The following LRRC8B variants were observed in gnomAD, a reference collection of about 807,000 sequenced individuals.
LRRC8B encodes leucine rich repeat containing 8 VRAC subunit B, also known as volume-regulated anion channel subunit LRRC8B.
A neutral mutation model predicts 58.8 loss-of-function variants in LRRC8B; 23 were observed. That is an observed-to-expected ratio of 0.39 (90% confidence interval 0.28 to 0.55). The LOEUF (loss-of-function observed/expected upper bound fraction) is 0.55. Ranked by LOEUF, LRRC8B falls within the 20% of genes least tolerant of loss-of-function variation. The probability of loss-of-function intolerance (pLI) is 0.62; values close to 1 mark genes in which losing one functional copy is unlikely to be tolerated. For missense variants in LRRC8B, 694 were observed against 936.0 expected, an observed-to-expected ratio of 0.74 and a Z score of 3.37; for synonymous variants, 359 against 374.1, an observed-to-expected ratio of 0.96 and a Z score of 0.47.
Position 89,597,416 on chromosome 1 carries a change from A to T in LRRC8B, c.*4373A>T, listed in dbSNP as rs1198622153. On this transcript the variant is annotated 3_prime_UTR_variant, in exon 6 of 6. Transcript: ENST00000330947. ...ATGTTGTACATTATCTCTAACAGAG[A>T]TGGTGCAATTTTAAGAATACAAAGG... 1.3e-5 allele frequency: 2 copies of T among 152,232 alleles called. No homozygotes were observed. Among genetic ancestry groups the T allele is most frequent in the African/African-American group, 4.8e-5 (2 of 41,458 alleles). 9.4% of individuals were successfully genotyped at this position (152,232 alleles called of 1,614,324 possible). A position where few individuals can be genotyped will look rare whatever the true frequency, so the allele number is the denominator to read the frequency against.
intron 1 of LRRC8B, among the ~76,000 whole-genome samples, chr1:89,530,218 G>C (rs563792097): frequency 6.6e-6 from 1 of 151,572 alleles, no homozygotes; most frequent in Admixed American, 6.6e-5. Context: ...AATTAGCCGG[G>C]CATAGTGGTG....
chr1:89,547,480 A>T (rs551717939), intron 1 of LRRC8B, among the ~76,000 whole-genome samples: 65 of 152,282 alleles, frequency 4.3e-4, no homozygotes, highest in African/African-American at 1.5e-3. Context: ...TATGTTTAAA[A>T]TTTTCCATAA....
intron 1 of LRRC8B, among the ~76,000 whole-genome samples, chr1:89,554,778 A>AT (rs200011406): frequency 0.016 from 2,474 of 152,256 alleles, 31 homozygotes; most frequent in Non-Finnish European, 0.026. Context: ...GGTAAATATT[A>AT]TTTTTTGTGC....
chr1:89,582,447 G>A (rs1557619764), intron 4 of LRRC8B, among the ~76,000 whole-genome samples, 178 bp from the exon 5 acceptor site: 1 of 152,138 alleles, frequency 6.6e-6, no homozygotes, highest in Non-Finnish European at 1.5e-5. Context: ...GAGTTGGATG[G>A]CCTATAGTTT....
rs1294597892 is a variant in LRRC8B, at chr1:89,529,421, A to C, written c.-241+4399A>C. The stretch of plus-strand genomic sequence containing the variant: ...CAGCATTTATTCTTAGCCTAAAAAC[A>C]TGGCATGTGAAATCAAATAGATCTG... On this transcript the variant is annotated intron_variant, in intron 1 of 5. Transcript: ENST00000330947. Among the ~76,000 whole-genome samples, 7 of 152,344 alleles carry C rather than the reference A, an allele frequency of 4.6e-5. No individual in the cohort carries two copies. In the East Asian group the frequency reaches 1.2e-3, roughly 25 times the overall value.
In LRRC8B at chr1:89,557,490, C is replaced by A. The variant is rs572528845; in HGVS notation, c.-240-10757C>A. On this transcript the variant is annotated intron_variant, in intron 1 of 5. Coordinates refer to ENST00000330947, the MANE Select transcript of LRRC8B (RefSeq NM_001369817.2). Reference sequence around the variant, plus strand: ...AGTGCTTCCATGATATTTATTTTACCACTAATATCAATTCTTGAGCCAGTG... The same window carrying A: ...AGTGCTTCCATGATATTTATTTTACAACTAATATCAATTCTTGAGCCAGTG... 3.6e-4 allele frequency among the ~76,000 whole-genome samples: 55 copies of A among 152,044 alleles called. No homozygotes were observed. In the East Asian group the frequency reaches 0.01, roughly 28 times the overall value.
chr1:89,587,080 CAG>C (rs1340488449), intron 5 of LRRC8B, among the ~76,000 whole-genome samples: 1 of 152,152 alleles, frequency 6.6e-6, no homozygotes, highest in African/African-American at 2.4e-5. Context: ...CTAGGACCAT[CAG>C]GGGAAGATTT....
At chr1:89,527,885 C>G (rs1359634555) in intron 1 of LRRC8B, among the ~76,000 whole-genome samples, 2 of 152,186 alleles carry the variant, frequency 1.3e-5, no homozygotes, top group African/African-American at 2.4e-5. Flanking sequence ...CTATGACTGC[C>G]TTTCCTTTAG....
chr1:89,551,544 G>C (rs1222230423), intron 1 of LRRC8B, among the ~76,000 whole-genome samples: 5 of 152,086 alleles, frequency 3.3e-5, no homozygotes, highest in African/African-American at 9.7e-5. Context: ...TTTAAGGATA[G>C]ATAGAAAATG....
intron 5 of LRRC8B, chr1:89,587,816 A>G (rs1342292774): frequency 6.6e-6 from 1 of 152,326 alleles, no homozygotes; most frequent in African/African-American, 2.4e-5. Context: ...ACAATCAGGC[A>G]CAAAGTAAGT....
chr1:89,574,230 C>A (rs1008317520), intron 3 of LRRC8B, among the ~76,000 whole-genome samples: 1 of 152,202 alleles, frequency 6.6e-6, no homozygotes, highest in African/African-American at 2.4e-5. Flanking sequence ...GCCAGATCAT[C>A]CCATAGAATC....
intron 1 of LRRC8B, among the ~76,000 whole-genome samples, chr1:89,562,290 C>A (rs1652731569): frequency 6.6e-6 from 1 of 151,968 alleles, no homozygotes. Flanking sequence ...GTGGATTGAC[C>A]TCTTAACAGA....
intron 1 of LRRC8B, among the ~76,000 whole-genome samples, chr1:89,533,793 A>G (rs914691840): frequency 6.6e-6 from 1 of 152,224 alleles, no homozygotes; most frequent in African/African-American, 2.4e-5. Flanking sequence ...AGGGAATACA[A>G]TTAGCATAAT....
At chr1:89,553,314 A>T (rs568183065) in intron 1 of LRRC8B, among the ~76,000 whole-genome samples, 3 of 152,334 alleles carry the variant, frequency 2.0e-5, no homozygotes, top group Non-Finnish European at 4.4e-5. Flanking sequence ...GAGTAATTGT[A>T]ACTTGATTTT....
chr1:89,578,979 A>G (rs1187994815), intron 3 of LRRC8B, among the ~76,000 whole-genome samples: 1 of 152,204 alleles, frequency 6.6e-6, no homozygotes, highest in Non-Finnish European at 1.5e-5. Context: ...AATTTCAGCC[A>G]TATTTCTGAG....
At chr1:89,545,152 C>G (rs1265567557) in intron 1 of LRRC8B, among the ~76,000 whole-genome samples, 1 of 152,178 alleles carries the variant, frequency 6.6e-6, no homozygotes, top group Non-Finnish European at 1.5e-5. Context: ...CTGATCTCTG[C>G]ACTATCACAT....
At chr1:89,571,539 A>G (rs1161641893) in intron 3 of LRRC8B, among the ~76,000 whole-genome samples, 4 of 152,298 alleles carry the variant, frequency 2.6e-5, no homozygotes, top group Non-Finnish European at 2.9e-5. Flanking sequence ...ATTTTCATAC[A>G]TTGATTTCGT....
At chr1:89,553,469 G>T (rs1390942236) in intron 1 of LRRC8B, among the ~76,000 whole-genome samples, 1 of 152,162 alleles carries the variant, frequency 6.6e-6, no homozygotes, top group Non-Finnish European at 1.5e-5. Flanking sequence ...TTGTGTGTGT[G>T]TTGTAAATGA....
intron 3 of LRRC8B, among the ~76,000 whole-genome samples, chr1:89,579,305 G>T (rs941309009): frequency 6.6e-6 from 1 of 152,220 alleles, no homozygotes; most frequent in Non-Finnish European, 1.5e-5. Context: ...CAGGGAGTGA[G>T]TATGGTTTAA....
Sources: allele counts gnomAD v4.1 joint callset (sites outside exome capture counted in the v4.1 genomes callset), GRCh38; gene constraint gnomAD v4.1.1; transcripts MANE v1.5; gene names NCBI Gene and HGNC (gene_info 2026-07-23, HGNC 2026-07-21).